The following NRXN3 variants were observed in gnomAD, a reference collection of about 807,000 sequenced individuals.
The protein encoded by NRXN3 is neurexin III.
Under a neutral mutation model 137.6 loss-of-function variants are expected in NRXN3, and 32 were observed. The ratio of observed to expected loss-of-function variants is 0.23; its 90% CI spans 0.18 to 0.31. NRXN3 has a LOEUF of 0.31. Ranked by LOEUF, NRXN3 falls within the 10% of genes least tolerant of loss-of-function variation. The pLI, the probability that NRXN3 is intolerant of heterozygous loss-of-function variation, is 1.00. For synonymous variants in NRXN3, 798 were observed against 784.5 expected (o/e 1.02, Z -0.29); for missense variants, 1,574 against 2,062.5 (o/e 0.76, Z 4.59).
chr14:78,634,435 G>T (rs1399974070), intron 4 of NRXN3, among the ~76,000 whole-genome samples: 1 of 152,188 alleles, frequency 6.6e-6, no homozygotes, highest in Non-Finnish European at 1.5e-5. Flanking sequence ...ACAGCGTATG[G>T]TTAAAAAGTT....
chr14:79,484,379 C>T lies in NRXN3; in HGVS notation c.3444+16977C>T, dbSNP rs1201016179. The stretch of plus-strand genomic sequence containing the variant: ...TTGTCAATATAAGGGCTTTAGAAAA[C>T]GTGCCCAGCTGGTATTCTTTAAACC... On this transcript the variant is annotated intron_variant, in intron 16 of 20. Transcript: ENST00000335750. Among the ~76,000 whole-genome samples, 3 of 152,214 alleles carry T rather than the reference C, an allele frequency of 2.0e-5. No individual in the cohort carries two copies. In the Middle Eastern group the frequency reaches 0.01, roughly 518 times the overall value.
At chr14:78,764,900 A>G (rs529213697) in intron 8 of NRXN3, among the ~76,000 whole-genome samples, 1 of 152,312 alleles carries the variant, frequency 6.6e-6, no homozygotes, top group South Asian at 2.1e-4. Context: ...CCCCAGCCTC[A>G]CTCAAGGACT....
At chr14:79,858,995 AAAAAACAG>A (rs2099408796) in intron 20 of NRXN3, among the ~76,000 whole-genome samples, 1 of 151,264 alleles carries the variant, frequency 6.6e-6, no homozygotes, top group Non-Finnish European at 1.5e-5. Flanking sequence ...AGAAAAAAAA[AAAAAACAG>A]GTGTCTGCTG....
chr14:78,232,275 GCT>G (rs2065529936), intron 1 of NRXN3, among the ~76,000 whole-genome samples: 1 of 152,234 alleles, frequency 6.6e-6, no homozygotes, highest in African/African-American at 2.4e-5. Flanking sequence ...GGCACCTCTT[GCT>G]CCATTAATGG....
At chr14:78,804,044 T>C (rs921436738) in intron 9 of NRXN3, among the ~76,000 whole-genome samples, 2 of 152,242 alleles carry the variant, frequency 1.3e-5, no homozygotes, top group African/African-American at 2.4e-5. Flanking sequence ...TGGTGATTTC[T>C]TTACTAGATT....
At chr14:78,808,903 G>A (rs984149636) in intron 9 of NRXN3, among the ~76,000 whole-genome samples, 4 of 151,960 alleles carry the variant, frequency 2.6e-5, no homozygotes, top group African/African-American at 9.7e-5. Context: ...TCAACCTTAA[G>A]CAGAAGAAGA....
chr14:79,799,000 T>C (rs763419260), intron 19 of NRXN3, among the ~76,000 whole-genome samples: 1 of 152,172 alleles, frequency 6.6e-6, no homozygotes, highest in African/African-American at 2.4e-5. Context: ...ATAAATTTAC[T>C]TGGGTGGACA....
At chr14:79,252,667 G>A (rs896072609) in intron 15 of NRXN3, among the ~76,000 whole-genome samples, 1 of 152,140 alleles carries the variant, frequency 6.6e-6, no homozygotes, top group Admixed American at 6.5e-5. Flanking sequence ...CGAGAAAAGT[G>A]GGATAATGTT....
At chr14:78,687,033 A>T (rs1266729143) in intron 6 of NRXN3, among the ~76,000 whole-genome samples, 1 of 152,162 alleles carries the variant, frequency 6.6e-6, no homozygotes, top group Non-Finnish European at 1.5e-5. Context: ...GGAGAAGATG[A>T]TGGAGTGCAT....
At chr14:78,898,057 C>A (rs1409483173) in intron 10 of NRXN3, among the ~76,000 whole-genome samples, 1 of 151,872 alleles carries the variant, frequency 6.6e-6, no homozygotes, top group Non-Finnish European at 1.5e-5. Context: ...ATCTATGCCT[C>A]CCTAATATGC....
At chr14:79,059,258 T>TTTTTTTTTTC (rs1555701673) in intron 15 of NRXN3, among the ~76,000 whole-genome samples, 1 of 34,610 alleles carries the variant, frequency 2.9e-5, no homozygotes, top group African/African-American at 5.1e-5. Context: ...TTCTTTTTTT[T>TTTTTTTTTTC]TTTTTTTTTT....
intron 6 of NRXN3, among the ~76,000 whole-genome samples, chr14:78,684,430 G>A (rs1348927251): frequency 1.3e-5 from 2 of 152,174 alleles, no homozygotes; most frequent in African/African-American, 2.4e-5. Context: ...ATTTTGCTTT[G>A]TATTTCTTCT....
intron 15 of NRXN3, among the ~76,000 whole-genome samples, chr14:79,025,284 G>A (rs958296271): frequency 6.6e-6 from 1 of 152,116 alleles, no homozygotes; most frequent in African/African-American, 2.4e-5. Context: ...CACTGTGATT[G>A]GATAGTTAAA....
chr14:78,538,453 AC>A (rs1448168014), intron 4 of NRXN3, among the ~76,000 whole-genome samples: 1 of 152,180 alleles, frequency 6.6e-6, no homozygotes, highest in Non-Finnish European at 1.5e-5. Context: ...TGATTTTTGC[AC>A]ATTGATTTTG....
chr14:79,728,897 A>C (rs1603451146), intron 19 of NRXN3, among the ~76,000 whole-genome samples: 1 of 152,310 alleles, frequency 6.6e-6, no homozygotes, highest in Non-Finnish European at 1.5e-5. Flanking sequence ...CCAGATGCCA[A>C]ATTGTAACAT....
At chr14:79,347,668 G>A (rs1185337272) in intron 15 of NRXN3, among the ~76,000 whole-genome samples, 1 of 152,086 alleles carries the variant, frequency 6.6e-6, no homozygotes, top group Non-Finnish European at 1.5e-5. Flanking sequence ...TGATCCACAT[G>A]CCTTGGCCTC....
intron 15 of NRXN3, among the ~76,000 whole-genome samples, chr14:79,053,997 C>A (rs2099647886): frequency 6.6e-6 from 1 of 151,770 alleles, no homozygotes; most frequent in East Asian, 1.9e-4. Flanking sequence ...TTGATGAGTT[C>A]ATGTCCTTTG....
intron 16 of NRXN3, among the ~76,000 whole-genome samples, chr14:79,484,789 T>C (rs1315577529): frequency 6.6e-6 from 1 of 152,198 alleles, no homozygotes; most frequent in Non-Finnish European, 1.5e-5. Flanking sequence ...AAGTTGACTT[T>C]TACATTAGTA....
At chr14:78,485,291 G>C (rs1222612255) in intron 4 of NRXN3, among the ~76,000 whole-genome samples, 1 of 152,182 alleles carries the variant, frequency 6.6e-6, no homozygotes, top group Non-Finnish European at 1.5e-5. Context: ...GAAGAAAAAG[G>C]GATAAGTTCC....
Sources: allele counts gnomAD v4.1 joint callset (sites outside exome capture counted in the v4.1 genomes callset), GRCh38; gene constraint gnomAD v4.1.1; transcripts MANE v1.5; gene names NCBI Gene and HGNC (gene_info 2026-07-23, HGNC 2026-07-21).